The following SHC3 variants were observed in gnomAD, a reference collection of about 807,000 sequenced individuals.
The protein encoded by SHC3 is SHC adaptor protein 3.
Under a neutral mutation model 60.4 loss-of-function variants are expected in SHC3, and 15 were observed. The observed-to-expected ratio is 0.25, with a 90% CI of 0.17 to 0.38. The LOEUF (loss-of-function observed/expected upper bound fraction) is 0.38, where lower values mean the gene tolerates loss of function less well. Ranked by LOEUF, SHC3 falls within the 10% of genes least tolerant of loss-of-function variation. SHC3 has a pLI of 1.00. For missense variants in SHC3, 677 were observed against 786.1 expected (o/e 0.86, Z 1.66); for synonymous variants, 294 against 325.9 (o/e 0.90, Z 1.05).
chr9:89,011,277 G>A lies in SHC3; in HGVS notation c.*2170C>T, dbSNP rs1826010650. On this transcript the variant is annotated 3_prime_UTR_variant, in exon 12 of 12. Coordinates refer to ENST00000375835, the MANE Select transcript of SHC3 (RefSeq NM_016848.6). ...ACTAGACACTGACTTCACAGCAAGA[G>A]CTACTAAAGCTGCAGGTTACCATTC... The A allele has an allele frequency of 6.6e-6, 1 of 152,074 alleles. No homozygotes were observed. The highest frequency in any genetic ancestry group is 1.5e-5 in the Non-Finnish European group (1 of 68,010). 9.4% of individuals were successfully genotyped at this position (152,074 alleles called of 1,614,324 possible).
chr9:89,042,168 G>A lies in SHC3; in HGVS notation c.1218C>T (p.Tyr406=), dbSNP rs1824699791. The part of the protein sequence containing the change: ...TPLRQGSSDI[Y]STPEGKLHVA... ...CGTGCAGTTTCCCTTCTGGCGTGCT[G>A]TAGATGTCCGAGGACCCTGCAACAA... The change falls in exon 10 of 12, where the codon TAC becomes TAT. Residue 406 remains tyrosine (Y), a synonymous_variant. Transcript: ENST00000375835. 1 of 1,531,546 alleles carries A rather than the reference G, an allele frequency of 6.5e-7. No individual in the cohort carries two copies. The highest frequency in any genetic ancestry group is 8.7e-7 in the Non-Finnish European group (1 of 1,147,674). The allele number at this position is 1,531,546 out of a possible 1,614,324, so 94.9% of individuals were successfully genotyped here.
chr9:89,148,458 T>C (rs1826501442), intron 1 of SHC3, among the ~76,000 whole-genome samples: 1 of 152,230 alleles, frequency 6.6e-6, no homozygotes, highest in African/African-American at 2.4e-5. Context: ...AAGAAGACTA[T>C]ATAGCACCAT....
At chr9:89,063,293 C>T (rs1347619199) in intron 6 of SHC3, among the ~76,000 whole-genome samples, 1 of 152,178 alleles carries the variant, frequency 6.6e-6, no homozygotes, top group Non-Finnish European at 1.5e-5. Context: ...CCACGCCCAG[C>T]TAATTTTTGT....
At chr9:89,027,107 T>TCAGAGAAGAG (rs1057133616) in intron 11 of SHC3, among the ~76,000 whole-genome samples, 1 of 152,176 alleles carries the variant, frequency 6.6e-6, no homozygotes, top group African/African-American at 2.4e-5. Flanking sequence ...CAGAGCCTGG[T>TCAGAGAAGAG]CAGAGAAGAG....
At chr9:89,084,236 T>C (rs946299519) in intron 2 of SHC3, among the ~76,000 whole-genome samples, 6 of 152,180 alleles carry the variant, frequency 3.9e-5, no homozygotes, top group Non-Finnish European at 8.8e-5. Flanking sequence ...ATCCCAGCAT[T>C]CTCCTGAGAC....
chr9:89,049,276 CAAAA>C (rs1824824661), intron 7 of SHC3, among the ~76,000 whole-genome samples: 1 of 151,504 alleles, frequency 6.6e-6, no homozygotes, highest in African/African-American at 2.4e-5. Context: ...CAAAACAAAA[CAAAA>C]CAAAACAAAA....
At chr9:89,078,029 C>A in intron 2 of SHC3, 126 bp from the exon 3 acceptor site, 4 of 1,083,740 alleles carry the variant, frequency 3.7e-6, no homozygotes, top group Admixed American at 2.2e-5. Context: ...ACAGAGCTGC[C>A]AATTTGGGAG....
In SHC3 at chr9:89,178,578, G is replaced by T. The variant is rs1484609632; in HGVS notation, c.-118C>A. ...GAGCGGGACGGAGAGTGGGGGCCCC[G>T]GGACAGCCTTCTGGAGAACGAGAGC... On this transcript the variant is annotated 5_prime_UTR_variant, in exon 1 of 12. Transcript: ENST00000375835. This position sits in a 1 kb window ranked among gnomAD's most constrained non-coding sequence, Gnocchi z 6.9. The T allele has an allele frequency of 2.1e-5, 19 of 892,742 alleles. No individual in the cohort carries two copies. Among genetic ancestry groups the T allele is most frequent in the Non-Finnish European group, 2.9e-5 (18 of 629,524 alleles). 55.3% of individuals were successfully genotyped at this position (892,742 alleles called of 1,614,324 possible). A position where few individuals can be genotyped will look rare whatever the true frequency, so the allele number is the denominator to read the frequency against.
At chr9:89,164,032 C>A (rs1338326689) in intron 1 of SHC3, among the ~76,000 whole-genome samples, 1 of 152,070 alleles carries the variant, frequency 6.6e-6, no homozygotes, top group African/African-American at 2.4e-5. Flanking sequence ...CTCCTAACAC[C>A]ATCGAATTAG....
chr9:89,098,985 AAATT>A (rs925297500), intron 2 of SHC3, among the ~76,000 whole-genome samples: 63 of 152,142 alleles, frequency 4.1e-4, no homozygotes, highest in Middle Eastern at 6.8e-3. Context: ...ATAAATAAAT[AAATT>A]AATTAATTAA....
At chr9:89,122,783 T>C (rs79611848) in intron 1 of SHC3, among the ~76,000 whole-genome samples, 2,086 of 152,192 alleles carry the variant, frequency 0.014, 20 homozygotes, top group Middle Eastern at 0.037. Context: ...CAGGTGCTGC[T>C]AGGGTGGGGA....
chr9:89,026,077 C>G (rs183902152), intron 11 of SHC3, among the ~76,000 whole-genome samples: 206 of 152,158 alleles, frequency 1.4e-3, no homozygotes, highest in African/African-American at 4.8e-3. Flanking sequence ...AACCTCATCT[C>G]TACTAAAAAT....
At chr9:89,121,989 A>T (rs1268343419) in intron 1 of SHC3, among the ~76,000 whole-genome samples, 1 of 152,178 alleles carries the variant, frequency 6.6e-6, no homozygotes, top group Non-Finnish European at 1.5e-5. Context: ...TTTTTCTTTT[A>T]GGTCATGGCT....
intron 1 of SHC3, among the ~76,000 whole-genome samples, chr9:89,160,025 A>G (rs1014813849): frequency 2.6e-5 from 4 of 152,246 alleles, no homozygotes; most frequent in African/African-American, 9.6e-5. Flanking sequence ...TGGTCACTTC[A>G]TCTAATAGGG....
chr9:89,083,140 G>C (rs1328019345), intron 2 of SHC3, among the ~76,000 whole-genome samples: 11 of 152,166 alleles, frequency 7.2e-5, no homozygotes, highest in African/African-American at 2.4e-4. Context: ...CCATGGGGAA[G>C]GTGAGCCAGG....
chr9:89,059,726 G>GAA (rs1387336764), intron 6 of SHC3, among the ~76,000 whole-genome samples: 16 of 23,356 alleles, frequency 6.9e-4, no homozygotes, highest in South Asian at 2.7e-3. Flanking sequence ...TGGTGGTGCA[G>GAA]GACGGTGGTG....
chr9:89,067,916 C>T (rs952523119), intron 5 of SHC3, among the ~76,000 whole-genome samples: 1 of 152,000 alleles, frequency 6.6e-6, no homozygotes, highest in African/African-American at 2.4e-5. Flanking sequence ...ATTCAGGTAA[C>T]AAAATTAGAG....
intron 1 of SHC3, among the ~76,000 whole-genome samples, chr9:89,144,893 C>T (rs1826446032): frequency 6.6e-6 from 1 of 152,030 alleles, no homozygotes; most frequent in Non-Finnish European, 1.5e-5. Context: ...CACTCCACAC[C>T]ATACAGGGCT....
At chr9:89,089,854 TG>T (rs2118049061) in intron 2 of SHC3, among the ~76,000 whole-genome samples, 1 of 152,232 alleles carries the variant, frequency 6.6e-6, no homozygotes, top group East Asian at 1.9e-4. Context: ...AGCACCTTCT[TG>T]GAGTGAGGAG....
Sources: gnomAD v4.1 joint callset for allele counts (sites outside exome capture counted in the v4.1 genomes callset) on GRCh38, gnomAD v4.1.1 for gene constraint, Gnocchi (gnomAD v3.1) non-coding constraint, MANE v1.5 for transcripts, NCBI Gene and HGNC (gene_info 2026-07-23, HGNC 2026-07-21) for gene names.